DOCK2: variants seen among roughly 807,000 people sequenced by gnomAD.
DOCK2 encodes dedicator of cytokinesis 2.
DOCK2 carries 87 observed loss-of-function variants against 248.9 expected under a neutral mutation model. The observed-to-expected ratio is 0.35, with a 90% CI of 0.29 to 0.42. DOCK2 has a LOEUF of 0.42. DOCK2 is among the 10% of genes least tolerant of loss of function. DOCK2 has a pLI of 1.00. For synonymous variants in DOCK2, 805 were observed against 821.6 expected (o/e 0.98, Z 0.35); for missense variants, 1,747 against 2,300.2 (o/e 0.76, Z 4.92).
intron 6 of DOCK2, among the ~76,000 whole-genome samples, chr5:169,678,931 A>G (rs1205745569): frequency 6.6e-6 from 1 of 152,154 alleles, no homozygotes; most frequent in Non-Finnish European, 1.5e-5. Context: ...TGGAGAAGAG[A>G]AACTCGGAGG....
chr5:170,081,898 C>T lies in DOCK2; in HGVS notation c.5344C>T (p.Arg1782Cys), dbSNP rs149343589. 1.5e-3 allele frequency: 2,418 copies of T among 1,614,098 alleles called. 28 individuals are homozygous for T. The African/African-American group carries it at 0.028, about 18-fold the overall frequency. The stretch of plus-strand genomic sequence containing the variant: ...GTTGGATGAGGCCAACACATCTCCC[C>T]GCCTCAGCCAGACCTTCCTCCAACT... The part of the protein sequence containing the change: ...PGLDEANTSP[R>C]LSQTFLQLSD... Residue 1782 changes from arginine to cysteine, a missense_variant, in exon 51 of 52, where the codon CGC becomes TGC. Around this residue, in one of 4 missense-constraint regions of DOCK2, gnomAD observed 513 missense variants for 586.1 expected, o/e 0.88. Coordinates refer to ENST00000520908, the MANE Select transcript of DOCK2 (RefSeq NM_004946.3).
intron 27 of DOCK2, among the ~76,000 whole-genome samples, chr5:169,917,362 A>C (rs562386379): frequency 6.6e-6 from 1 of 152,354 alleles, no homozygotes; most frequent in African/African-American, 2.4e-5. Context: ...CCCTGACACC[A>C]GTAGCCCTCA....
At position 170,034,423 on chromosome 5, in the gene DOCK2, C is replaced by T; in HGVS notation, c.3492C>T (p.His1164=). The stretch of plus-strand genomic sequence containing the variant: ...GCCTGATGGAATGTGCTGCAGAGCA[C>T]CCAACCATTGCCAAGTCGGTGGAGA... ...ESILMECAAE[H]PTIAKSVENF... is the part of the protein sequence containing the mutation. The change falls in exon 35 of 52, where the codon CAC becomes CAT. Residue 1164 remains histidine, a synonymous_variant. Transcript: ENST00000520908. 6.2e-7 allele frequency: 1 copy of T among 1,614,122 alleles called. No homozygotes were observed. The highest frequency in any genetic ancestry group is 8.5e-7 in the Non-Finnish European group (1 of 1,180,008).
At chr5:169,910,035 C>T (rs766027850) in intron 27 of DOCK2, among the ~76,000 whole-genome samples, 1 of 152,116 alleles carries the variant, frequency 6.6e-6, no homozygotes, top group Non-Finnish European at 1.5e-5. Context: ...GCCATTGGAA[C>T]AAATTTGCCA....
At chr5:169,922,778 G>A (rs1242503468) in intron 27 of DOCK2, among the ~76,000 whole-genome samples, 3 of 152,164 alleles carry the variant, frequency 2.0e-5, no homozygotes, top group Non-Finnish European at 4.4e-5. Flanking sequence ...CTCAGGCAAA[G>A]CTGTTTGATT....
rs139961730 is a variant in DOCK2 at position 169,766,498 on chromosome 5, G to T, written c.2554+4873G>T. Among the ~76,000 whole-genome samples, 228 of 152,248 alleles carry T rather than the reference G, an allele frequency of 1.5e-3. 3 individuals are homozygous for T. Among genetic ancestry groups the T allele is most frequent in the Non-Finnish European group, 2.5e-3 (173 of 68,022 alleles). ...CAGCGCGTGTTTAGGTTGATTCCAC[G>T]TCTTTGCTATTGTGAATAAAGCTGT... On this transcript the variant is annotated intron_variant, in intron 25 of 51. Coordinates refer to ENST00000520908, the MANE Select transcript of DOCK2 (RefSeq NM_004946.3).
chr5:169,955,748 T>G (rs1422691), intron 27 of DOCK2, among the ~76,000 whole-genome samples: 150,008 of 152,270 alleles, frequency 0.99, 73,891 homozygotes, highest in Middle Eastern at 1. Flanking sequence ...TCTTCATCTG[T>G]GTAATGGGCA....
At chr5:169,687,229 A>C (rs564500394) in intron 8 of DOCK2, among the ~76,000 whole-genome samples, 1 of 152,352 alleles carries the variant, frequency 6.6e-6, no homozygotes, top group East Asian at 1.9e-4. Flanking sequence ...TTAAAAATAA[A>C]AAAAATTTGC....
intron 44 of DOCK2, among the ~76,000 whole-genome samples, chr5:170,067,136 C>T (rs151242312): frequency 2.2e-3 from 335 of 152,330 alleles, no homozygotes; most frequent in African/African-American, 7.2e-3. Context: ...ACATCGCAAG[C>T]TGCTCTAATC....
At chr5:169,841,716 A>G (rs140143837) in intron 27 of DOCK2, among the ~76,000 whole-genome samples, 34 of 152,292 alleles carry the variant, frequency 2.2e-4, no homozygotes, top group African/African-American at 7.5e-4. Flanking sequence ...CACCCTGTCT[A>G]CAATTCCCAG....
At chr5:169,997,493 G>A (rs1754688773) in intron 30 of DOCK2, among the ~76,000 whole-genome samples, 1 of 136,426 alleles carries the variant, frequency 7.3e-6, no homozygotes, top group Non-Finnish European at 1.6e-5. Context: ...CTATCACATG[G>A]GGAGAAACCT....
chr5:169,885,492 A>G (rs767610584), intron 27 of DOCK2, among the ~76,000 whole-genome samples: 4 of 152,200 alleles, frequency 2.6e-5, no homozygotes, highest in Non-Finnish European at 5.9e-5. Flanking sequence ...TGCAACATTT[A>G]TTTAAGGACA....
At chr5:169,694,458 A>G (rs891220186) in intron 9 of DOCK2, among the ~76,000 whole-genome samples, 10 of 152,186 alleles carry the variant, frequency 6.6e-5, no homozygotes, top group Admixed American at 5.2e-4. Flanking sequence ...TGTAGTAGCT[A>G]TGTTTGTGGT....
chr5:169,637,877 G>C (rs1756920357), intron 1 of DOCK2, among the ~76,000 whole-genome samples: 1 of 152,136 alleles, frequency 6.6e-6, no homozygotes, highest in Non-Finnish European at 1.5e-5. Flanking sequence ...CTCAAGCTTG[G>C]GGGAATGGGG....
At chr5:169,730,860 A>G (rs968051517) in intron 22 of DOCK2, among the ~76,000 whole-genome samples, 2 of 150,062 alleles carry the variant, frequency 1.3e-5, no homozygotes, top group African/African-American at 5.0e-5. Context: ...TTTTAGGTAT[A>G]TGATTATAGC....
intron 32 of DOCK2, among the ~76,000 whole-genome samples, chr5:170,017,411 C>G (rs1183784743): frequency 6.6e-6 from 1 of 152,200 alleles, no homozygotes; most frequent in African/African-American, 2.4e-5. Context: ...ACCCTCACTT[C>G]CCAGGAAATC....
At chr5:169,950,802 C>T (rs1776634215) in intron 27 of DOCK2, among the ~76,000 whole-genome samples, 1 of 152,200 alleles carries the variant, frequency 6.6e-6, no homozygotes, top group South Asian at 2.1e-4. Flanking sequence ...GATGAACCAC[C>T]AGCTTCAGCA....
chr5:170,008,679 T>C lies in DOCK2; in HGVS notation c.3174-9T>C, dbSNP rs1235914960. 1 of 1,613,892 alleles carries C rather than the reference T, an allele frequency of 6.2e-7. No homozygotes were observed. The highest frequency in any genetic ancestry group is 8.5e-7 in the Non-Finnish European group (1 of 1,179,972). ...TGGTGCCTGAAGCAGAGGTTTTTGT[T>C]CCTCCTAGGTATGGGGACATGAGAC... On this transcript the variant is annotated splice_polypyrimidine_tract_variant and intron_variant, in intron 31 of 51. Coordinates refer to ENST00000520908, the MANE Select transcript of DOCK2 (RefSeq NM_004946.3).
chr5:169,906,379 A>G (rs907763703), intron 27 of DOCK2, among the ~76,000 whole-genome samples: 2 of 152,240 alleles, frequency 1.3e-5, no homozygotes, highest in African/African-American at 2.4e-5. Flanking sequence ...ACGGGCGTTC[A>G]TCTCAATTAA....
Sources: gnomAD v4.1 joint callset for allele counts (sites outside exome capture counted in the v4.1 genomes callset) on GRCh38, gnomAD v4.1.1 for gene constraint, gnomAD v4.1.1 regional missense constraint, MANE v1.5 for transcripts, NCBI Gene and HGNC (gene_info 2026-07-23, HGNC 2026-07-21) for gene names.